The following FBXL20 variants were observed in gnomAD, a reference collection of about 807,000 sequenced individuals.
The protein encoded by FBXL20 is F-box and leucine rich repeat protein 20, also known as F-box/LRR-repeat protein 20.
Under a neutral mutation model 64.0 loss-of-function variants are expected in FBXL20, and 11 were observed. The observed-to-expected ratio is 0.17, with a 90% CI of 0.11 to 0.28. The LOEUF (loss-of-function observed/expected upper bound fraction) is 0.28. Ranked by LOEUF, FBXL20 falls within the 10% of genes least tolerant of loss-of-function variation. The pLI is 1.00. For missense variants in FBXL20, 303 were observed against 526.2 expected (o/e 0.58, Z 4.15); for synonymous variants, 184 against 189.0 (o/e 0.97, Z 0.22).
rs1376327217 is a variant in FBXL20, at chr17:39,253,121, G to C, written c.*8339C>G. 1 of 152,874 alleles carries C rather than the reference G, an allele frequency of 6.5e-6. No individual in the cohort carries two copies. Among genetic ancestry groups the C allele is most frequent in the Non-Finnish European group, 1.5e-5 (1 of 68,522 alleles). The allele number at this position is 152,874 out of a possible 1,614,324, so 9.5% of individuals were successfully genotyped here. A position where few individuals can be genotyped will look rare whatever the true frequency, so the allele number is the denominator to read the frequency against. On this transcript the variant is annotated 3_prime_UTR_variant, in exon 15 of 15. Coordinates refer to ENST00000264658, the MANE Select transcript of FBXL20 (RefSeq NM_032875.3). ...ATTTTACCCCCTCAGGGGAGTGAGT[G>C]GGGGTGCGGGGTGCAGGGATGAAAC...
intron 2 of FBXL20, among the ~76,000 whole-genome samples, chr17:39,304,976 C>CAA (rs1321093162): frequency 6.6e-6 from 1 of 151,986 alleles, no homozygotes; most frequent in African/African-American, 2.4e-5. Flanking sequence ...AGGCTGGTCT[C>CAA]AAACTCCTGA....
At chr17:39,382,972 T>C (rs7225044) in intron 1 of FBXL20, among the ~76,000 whole-genome samples, 1 of 151,056 alleles carries the variant, frequency 6.6e-6, no homozygotes, top group African/African-American at 2.4e-5. Flanking sequence ...TTGGCCAACA[T>C]GGTGAAACCC....
chr17:39,355,544 T>C (rs1243442438), intron 1 of FBXL20, among the ~76,000 whole-genome samples: 1 of 152,006 alleles, frequency 6.6e-6, no homozygotes, highest in Non-Finnish European at 1.5e-5. Flanking sequence ...TGATGTATCA[T>C]GCTTTTGATG....
intron 1 of FBXL20, among the ~76,000 whole-genome samples, chr17:39,378,153 T>C (rs183176895): frequency 1.7e-3 from 260 of 152,290 alleles, no homozygotes; most frequent in African/African-American, 5.3e-3. Flanking sequence ...TGGGAGGGAA[T>C]TGAATGTGAT....
At chr17:39,389,794 G>C (rs1014704894) in intron 1 of FBXL20, among the ~76,000 whole-genome samples, 2 of 152,154 alleles carry the variant, frequency 1.3e-5, no homozygotes, top group Admixed American at 6.6e-5. Flanking sequence ...CTCCAGCCTA[G>C]GTGACAGAGT....
chr17:39,299,159 C>A (rs568576967), intron 4 of FBXL20, 75 bp from the exon 5 acceptor site: 1 of 1,032,574 alleles, frequency 9.7e-7, no homozygotes, highest in Non-Finnish European at 1.4e-6. Flanking sequence ...TCATTTTTAA[C>A]GATTTATAAA....
intron 2 of FBXL20, among the ~76,000 whole-genome samples, chr17:39,333,407 G>A (rs1049786162): frequency 5.3e-5 from 8 of 152,220 alleles, no homozygotes; most frequent in South Asian, 2.1e-4. Context: ...TCGGCCTCCC[G>A]AGGTGCCGGG....
chr17:39,269,840 G>C (rs2046827543), intron 11 of FBXL20, among the ~76,000 whole-genome samples: 1 of 151,922 alleles, frequency 6.6e-6, no homozygotes, highest in Non-Finnish European at 1.5e-5. Flanking sequence ...ATGTTGCCCG[G>C]GCTGGGCTCA....
intron 1 of FBXL20, among the ~76,000 whole-genome samples, chr17:39,359,122 G>A (rs1360622003): frequency 6.6e-6 from 1 of 151,912 alleles, no homozygotes; most frequent in African/African-American, 2.4e-5. Context: ...CGGGCTGATC[G>A]CCTGAGCTCA....
intron 6 of FBXL20, among the ~76,000 whole-genome samples, chr17:39,293,271 G>A (rs2047056949): frequency 6.6e-6 from 1 of 151,866 alleles, no homozygotes; most frequent in African/African-American, 2.4e-5. Context: ...GCCCAGGCTG[G>A]AGTGCAGTGG....
chr17:39,274,999 A>G lies in FBXL20; in HGVS notation c.798T>C (p.Asn266=). The change falls in exon 10 of 15, where the codon AAT becomes AAC. Residue 266 remains asparagine, a synonymous_variant. Coordinates refer to ENST00000264658, the MANE Select transcript of FBXL20 (RefSeq NM_032875.3). ...GCCGTGGGCAGTTCTGACCTAGAGC[A>G]TTCAGGATGGCATCTGTGATGTTGG... ...GCSNITDAIL[N]ALGQNCPRLR... 6.2e-7 allele frequency: 1 copy of G among 1,614,180 alleles called. No homozygotes were observed. The highest frequency in any genetic ancestry group is 2.2e-5 in the East Asian group (1 of 44,878).
intron 2 of FBXL20, among the ~76,000 whole-genome samples, chr17:39,310,575 C>T (rs1459789817): frequency 2.0e-5 from 3 of 152,032 alleles, no homozygotes; most frequent in African/African-American, 2.4e-5. Flanking sequence ...CGGGTAGGCA[C>T]AGTGGCTCAT....
intron 7 of FBXL20, among the ~76,000 whole-genome samples, chr17:39,283,484 G>A (rs2046965055): frequency 1.3e-5 from 2 of 151,744 alleles, no homozygotes; most frequent in Admixed American, 1.3e-4. Context: ...CACCCAGGCT[G>A]GAGTGCAGTG....
intron 1 of FBXL20, 76 bp downstream of exon 1, chr17:39,401,285 C>T: frequency 7.5e-6 from 12 of 1,607,452 alleles, no homozygotes; most frequent in Non-Finnish European, 1.0e-5. Flanking sequence ...GAGGAGGCTC[C>T]GTGCGGAGCG....
chr17:39,350,247 T>C (rs1336696446), intron 1 of FBXL20, among the ~76,000 whole-genome samples: 2 of 152,204 alleles, frequency 1.3e-5, no homozygotes, highest in African/African-American at 2.4e-5. Flanking sequence ...GCCTGTAACT[T>C]TGGGAGGCCA....
At chr17:39,388,869 A>T (rs1453088382) in intron 1 of FBXL20, among the ~76,000 whole-genome samples, 1 of 150,190 alleles carries the variant, frequency 6.7e-6, no homozygotes, top group African/African-American at 2.4e-5. Flanking sequence ...TGGGAGGCTG[A>T]GGTGGGTGGA....
intron 2 of FBXL20, among the ~76,000 whole-genome samples, chr17:39,335,333 G>T (rs1286207897): frequency 6.6e-6 from 1 of 151,602 alleles, no homozygotes; most frequent in African/African-American, 2.4e-5. Context: ...AATCTGACTG[G>T]GTTGATGCAC....
chr17:39,333,446 G>A (rs1300715050), intron 2 of FBXL20, among the ~76,000 whole-genome samples: 3 of 152,320 alleles, frequency 2.0e-5, no homozygotes, highest in East Asian at 3.9e-4. Flanking sequence ...CTCATTCAGT[G>A]CTCAATGTTG....
chr17:39,285,883 C>T (rs79837110), intron 6 of FBXL20, among the ~76,000 whole-genome samples: 11,581 of 152,258 alleles, frequency 0.076, 608 homozygotes, highest in South Asian at 0.15. Flanking sequence ...GATCTATATG[C>T]ATTTTGCAAA....
Sources: allele counts gnomAD v4.1 joint callset (sites outside exome capture counted in the v4.1 genomes callset), GRCh38; gene constraint gnomAD v4.1.1; transcripts MANE v1.5; gene names NCBI Gene and HGNC (gene_info 2026-07-23, HGNC 2026-07-21).